LRRC37B: variants seen among roughly 807,000 people sequenced by gnomAD.
The protein encoded by LRRC37B is leucine rich repeat containing 37B, also known as leucine-rich repeat-containing protein 37B.
LRRC37B carries 28 observed loss-of-function variants against 98.3 expected under a neutral mutation model. That is an observed-to-expected ratio of 0.28 (90% CI 0.21 to 0.39). The LOEUF is 0.39. Ranked by LOEUF, LRRC37B falls within the 10% of genes least tolerant of loss-of-function variation. The pLI is 1.00. For missense variants in LRRC37B, 938 were observed against 1,182.7 expected (o/e 0.79, Z 3.03); for synonymous variants, 364 against 442.7 (o/e 0.82, Z 2.23).
At chr17:32,024,744 T>C in exon 2 of LRRC37B, 1 of 1,606,296 alleles carries the variant, frequency 6.2e-7, no homozygotes, top group Non-Finnish European at 8.5e-7. Context: ...CATACCTTGA[T>C]GGAAATGTAT....
At chr17:32,019,649 C>T (rs1342906930), upstream of LRRC37B, among the ~76,000 whole-genome samples, 6 of 152,116 alleles carry the variant, frequency 3.9e-5, no homozygotes, top group Admixed American at 6.5e-5. Flanking sequence ...TTAACTTTCA[C>T]TCCAAAGTTG....
At chr17:32,040,475 G>A in intron 7 of LRRC37B, 1 of 634,432 alleles carries the variant, frequency 1.6e-6, no homozygotes, top group Non-Finnish European at 2.9e-6. Flanking sequence ...TACAAGGCAA[G>A]CCAGCTGGTC....
At chr17:32,020,027 T>G (rs1910726386), upstream of LRRC37B, among the ~76,000 whole-genome samples, 1 of 152,238 alleles carries the variant, frequency 6.6e-6, no homozygotes, top group East Asian at 1.9e-4. Context: ...GTATTTTTAG[T>G]AGAGACGGAG....
exon 1 of LRRC37B, chr17:32,022,352 C>A (rs757051495): frequency 1.9e-6 from 3 of 1,613,834 alleles, no homozygotes. Flanking sequence ...CACCTTCAGA[C>A]AAGGGTCAGG....
intron 1 of LRRC37B, among the ~76,000 whole-genome samples, chr17:32,023,851 C>T (rs112565866): frequency 4.6e-5 from 7 of 151,986 alleles, no homozygotes; most frequent in East Asian, 3.9e-4. Context: ...AGAGAGAATA[C>T]GCATAAAAAG....
intron 1 of LRRC37B, among the ~76,000 whole-genome samples, chr17:32,010,042 G>T (rs1363158472): frequency 1.3e-5 from 2 of 152,124 alleles, no homozygotes; most frequent in African/African-American, 4.8e-5. Context: ...CCCCATCTGT[G>T]CCTTGTGTTT....
chr17:32,015,692 C>T (rs1161711376), intron 1 of LRRC37B, among the ~76,000 whole-genome samples: 1 of 152,170 alleles, frequency 6.6e-6, no homozygotes, highest in African/African-American at 2.4e-5. Flanking sequence ...CATGACTTTA[C>T]CTCTGCACCT....
chr17:32,024,442 C>A lies in LRRC37B; in HGVS notation c.1761-269C>A, dbSNP rs1910885957. The A allele has an allele frequency of 9.7e-6, 7 of 724,256 alleles. No individual in the cohort carries two copies. The East Asian group carries it at 1.0e-4, about 10-fold the overall frequency. 44.9% of individuals were successfully genotyped at this position (724,256 alleles called of 1,614,324 possible). On this transcript the variant is annotated intron_variant, in intron 1 of 11. Coordinates refer to ENST00000327564, the Ensembl canonical transcript of LRRC37B. ...TAAGTGCTTTTGGATAAAATACTTACATTCAAAGTAATTAACTGGCATCGT... is the reference window on the plus strand; with the variant it reads ...TAAGTGCTTTTGGATAAAATACTTAAATTCAAAGTAATTAACTGGCATCGT...
intron 7 of LRRC37B, among the ~76,000 whole-genome samples, chr17:32,036,630 C>A (rs551608842): frequency 6.6e-6 from 1 of 152,252 alleles, no homozygotes; most frequent in Admixed American, 6.5e-5. Context: ...TGGAGCCAAT[C>A]CCCTGCAGAC....
exon 1 of LRRC37B, chr17:32,008,069 G>A: frequency 2.0e-6 from 1 of 498,988 alleles, no homozygotes; most frequent in Non-Finnish European, 3.9e-6. Context: ...TTATCCGGAG[G>A]AGCTGGAAGA....
intron 7 of LRRC37B, chr17:32,036,406 G>T (rs1385214309): frequency 4.6e-5 from 7 of 152,070 alleles, no homozygotes; most frequent in Admixed American, 2.0e-4. Flanking sequence ...ACTAACCATG[G>T]ATGGAGAATA....
chr17:32,021,031 A>T, exon 1 of LRRC37B: 1 of 1,590,716 alleles, frequency 6.3e-7, no homozygotes. Context: ...AGCCTAATAA[A>T]GGTGACATAA....
exon 10 of LRRC37B, chr17:32,049,383 A>C: frequency 6.2e-7 from 1 of 1,609,420 alleles, no homozygotes; most frequent in Non-Finnish European, 8.5e-7. Context: ...GAAAGAGCAG[A>C]AGTCAAGTGA....
chr17:32,051,747 C>T (rs1421141593), intron 11 of LRRC37B: 1 of 152,172 alleles, frequency 6.6e-6, no homozygotes, highest in Non-Finnish European at 1.5e-5. Context: ...AATAGGATTA[C>T]CTTAAATTTG....
chr17:32,035,004 G>T, intron 6 of LRRC37B, 23 bp downstream of exon 9: 1 of 1,430,828 alleles, frequency 7.0e-7, no homozygotes, highest in Non-Finnish European at 9.6e-7. Flanking sequence ...GTACTCTCAT[G>T]AGTCATGAGA....
intron 1 of LRRC37B, 80 bp from the exon 5 acceptor site, chr17:32,024,631 C>T (rs1365645531): frequency 4.8e-5 from 77 of 1,604,318 alleles, no homozygotes; most frequent in Non-Finnish European, 8.5e-6. Context: ...ATATCCCCGA[C>T]AAGGTTGCCA....
At chr17:32,022,759 C>T (rs1293370761) in exon 1 of LRRC37B, 1 of 1,614,000 alleles carries the variant, frequency 6.2e-7, no homozygotes, top group Non-Finnish European at 8.5e-7. Context: ...GGTCTCAGCC[C>T]AAAGCAGAGG....
At chr17:32,036,611 A>C (rs1367570219) in intron 7 of LRRC37B, among the ~76,000 whole-genome samples, 1 of 152,146 alleles carries the variant, frequency 6.6e-6, no homozygotes, top group African/African-American at 2.4e-5. Context: ...TGGTATCTGC[A>C]GGGGGTCCTG....
chr17:32,026,052 C>A (rs1178620976), intron 2 of LRRC37B, among the ~76,000 whole-genome samples: 1 of 151,954 alleles, frequency 6.6e-6, no homozygotes, highest in African/African-American at 2.4e-5. Context: ...GTTCATTTTC[C>A]TGTTGAATTG....
Sources: allele counts gnomAD v4.1 joint callset (sites outside exome capture counted in the v4.1 genomes callset), GRCh38; gene constraint gnomAD v4.1.1; transcripts MANE v1.5; gene names NCBI Gene and HGNC (gene_info 2026-07-23, HGNC 2026-07-21).